The following CNTLN variants were observed in gnomAD, a reference collection of about 807,000 sequenced individuals.
CNTLN encodes centlein.
Under a neutral mutation model 180.0 loss-of-function variants are expected in CNTLN, and 212 were observed. The ratio of observed to expected loss-of-function variants is 1.18; its 90% CI spans 1.05 to 1.32. The LOEUF (loss-of-function observed/expected upper bound fraction) is 1.32. Ranked by LOEUF, CNTLN falls within the 40% of genes most tolerant of loss-of-function variation. CNTLN has a pLI of 0.00. For synonymous variants in CNTLN, 722 were observed against 563.1 expected (o/e 1.28, Z -3.99); for missense variants, 2,095 against 1,610.9 (o/e 1.30, Z -5.14).
In CNTLN at chr9:17,293,854, C is replaced by T. The variant is rs967902454; in HGVS notation, c.984-4336C>T. 2.0e-5 allele frequency among the ~76,000 whole-genome samples: 3 copies of T among 152,068 alleles called. No individual in the cohort carries two copies. The South Asian group carries it at 6.2e-4, about 32-fold the overall frequency. ...AGCTCTGCACTTGGGACCCAAGGCC[C>T]TGGTGGCATGGGCTCATTGGGGGAC... On this transcript the variant is annotated intron_variant, in intron 6 of 25. Coordinates refer to ENST00000380647, the MANE Select transcript of CNTLN (RefSeq NM_017738.4).
At chr9:17,268,324 A>G (rs1004323174) in intron 5 of CNTLN, among the ~76,000 whole-genome samples, 1 of 152,160 alleles carries the variant, frequency 6.6e-6, no homozygotes, top group African/African-American at 2.4e-5. Context: ...TTGCCTGGGT[A>G]TCAGCAGCGG....
At chr9:17,396,415 G>A (rs1173634389) in intron 15 of CNTLN, among the ~76,000 whole-genome samples, 1 of 152,058 alleles carries the variant, frequency 6.6e-6, no homozygotes, top group African/African-American at 2.4e-5. Context: ...AGACAGTAGG[G>A]AAGTTCAGTG....
chr9:17,156,280 T>G (rs868129788), intron 2 of CNTLN, among the ~76,000 whole-genome samples: 4 of 152,340 alleles, frequency 2.6e-5, no homozygotes, highest in South Asian at 2.1e-4. Flanking sequence ...ATAAGGACTA[T>G]CTCTAAAAGA....
chr9:17,371,831 C>T (rs1164873402), intron 13 of CNTLN, among the ~76,000 whole-genome samples: 2 of 152,004 alleles, frequency 1.3e-5, no homozygotes, highest in South Asian at 4.1e-4. Flanking sequence ...GCTCTGCAGA[C>T]ATATGGAAAT....
chr9:17,300,095 G>A (rs2779776), intron 7 of CNTLN: 68,357 of 151,914 alleles, frequency 0.45, 16,092 homozygotes, highest in South Asian at 0.64. Flanking sequence ...CTTATCTGAA[G>A]TGCTTGGAAC....
the CNTLN span, among the ~76,000 whole-genome samples, chr9:17,511,161 C>A: frequency 6.6e-6 from 1 of 152,092 alleles, no homozygotes; most frequent in Non-Finnish European, 1.5e-5. Context: ...TTTTCTGTCT[C>A]CAAAACCTGC....
intron 8 of CNTLN, among the ~76,000 whole-genome samples, chr9:17,317,411 A>AT (rs1819607376): frequency 6.6e-6 from 1 of 152,210 alleles, no homozygotes; most frequent in Non-Finnish European, 1.5e-5. Context: ...CTCTCCATCA[A>AT]TTAATATATC....
intron 2 of CNTLN, among the ~76,000 whole-genome samples, chr9:17,219,704 C>T (rs1051701218): frequency 6.6e-6 from 1 of 151,954 alleles, no homozygotes; most frequent in Non-Finnish European, 1.5e-5. Flanking sequence ...GCATCAGAAT[C>T]GCTTGAGATC....
At chr9:17,230,294 C>T (rs904190758) in intron 3 of CNTLN, among the ~76,000 whole-genome samples, 1 of 152,098 alleles carries the variant, frequency 6.6e-6, no homozygotes, top group African/African-American at 2.4e-5. Flanking sequence ...CAGTTAGCTA[C>T]CTACAGAGGC....
At chr9:17,359,725 C>CAAAAAAAAAAA (rs1176814681) in intron 12 of CNTLN, among the ~76,000 whole-genome samples, 26 of 21,308 alleles carry the variant, frequency 1.2e-3, no homozygotes, top group South Asian at 2.0e-3. Flanking sequence ...ACTAAAAATA[C>CAAAAAAAAAAA]AAAAAAAAAA....
At chr9:17,528,234 A>G in the CNTLN span, among the ~76,000 whole-genome samples, 2 of 152,218 alleles carry the variant, frequency 1.3e-5, no homozygotes, top group Admixed American at 1.3e-4. Flanking sequence ...GCAGCTGTAC[A>G]GTGGAGAAAC....
At chr9:17,203,773 G>C (rs1043515188) in intron 2 of CNTLN, among the ~76,000 whole-genome samples, 4 of 152,166 alleles carry the variant, frequency 2.6e-5, no homozygotes, top group African/African-American at 9.7e-5. Context: ...TAGCCAGGAT[G>C]GTCTTGATCT....
At chr9:17,453,747 G>T (rs112111304) in intron 18 of CNTLN, among the ~76,000 whole-genome samples, 32 of 152,274 alleles carry the variant, frequency 2.1e-4, no homozygotes, top group African/African-American at 7.7e-4. Context: ...TGGCTTGCTG[G>T]CTAAGAGCCA....
chr9:17,476,560 A>G lies in CNTLN; in HGVS notation c.3856-7735A>G, dbSNP rs78011831. 6.1e-3 allele frequency among the ~76,000 whole-genome samples: 926 copies of G among 152,368 alleles called. 5 individuals carry two copies. Among genetic ancestry groups the G allele is most frequent in the Non-Finnish European group, 9.9e-3 (676 of 68,030 alleles). On this transcript the variant is annotated intron_variant, in intron 23 of 25. Coordinates refer to ENST00000380647, the MANE Select transcript of CNTLN (RefSeq NM_017738.4). ...TAAAAAAATGCTACTTCATGAATAC[A>G]CAAATGATAAGAAAGTGAAACAGCC...
chr9:17,204,657 C>G (rs533835211), intron 2 of CNTLN, among the ~76,000 whole-genome samples: 2 of 152,196 alleles, frequency 1.3e-5, no homozygotes, highest in East Asian at 3.9e-4. Flanking sequence ...GGTTAGGGAC[C>G]CATTTGAGAA....
intron 19 of CNTLN, among the ~76,000 whole-genome samples, chr9:17,461,307 A>G (rs1296156070): frequency 6.6e-6 from 1 of 151,668 alleles, no homozygotes; most frequent in Non-Finnish European, 1.5e-5. Flanking sequence ...CGCTTCAATT[A>G]TTTGATAAAT....
chr9:17,349,350 T>A (rs930632306), intron 12 of CNTLN, among the ~76,000 whole-genome samples: 8 of 152,326 alleles, frequency 5.3e-5, no homozygotes, highest in Admixed American at 5.2e-4. Flanking sequence ...CTTAACTGTT[T>A]AAGTAATAAG....
In CNTLN at chr9:17,394,682, T is replaced by G. The variant is rs1392948557; in HGVS notation, c.2228T>G (p.Leu743Arg). Residue 743 changes from leucine to arginine, a missense_variant, in exon 15 of 26, where the codon CTA (leucine) becomes CGA (arginine). By Grantham distance (102) the Leu-to-Arg change is moderately radical. Coordinates refer to ENST00000380647, the MANE Select transcript of CNTLN (RefSeq NM_017738.4). The stretch of plus-strand genomic sequence containing the variant: ...GATACAGAGACCAGAGAAAAAGAGC[T>G]AGAACAGATAATAAAGGGGAGTAAA... The part of the protein sequence containing the change: ...QEDTETREKE[L>R]EQIIKGSKDV... 1.2e-6 allele frequency: 2 copies of G among 1,613,652 alleles called. No homozygotes were observed. The highest frequency in any genetic ancestry group is 2.7e-5 in the African/African-American group (2 of 74,964).
rs189952774 is a variant in CNTLN, at chr9:17,200,905, G to C, written c.450-25298G>C. Among the ~76,000 whole-genome samples the C allele has an allele frequency of 4.2e-4, 64 of 152,258 alleles. No individual in the cohort carries two copies. In the East Asian group the frequency reaches 7.9e-3, roughly 19 times the overall value. On this transcript the variant is annotated intron_variant, in intron 2 of 25. Coordinates refer to ENST00000380647, the MANE Select transcript of CNTLN (RefSeq NM_017738.4). ...TGGTGAGAGAAGGCATCCTTGTTTT[G>C]TGGTGGTTTTCAAAGGGAATGTTTC...
Sources: gnomAD v4.1 joint callset for allele counts (sites outside exome capture counted in the v4.1 genomes callset) on GRCh38, gnomAD v4.1.1 for gene constraint, MANE v1.5 for transcripts, NCBI Gene and HGNC (gene_info 2026-07-23, HGNC 2026-07-21) for gene names.